The following ANK3 variants were observed in gnomAD, a reference collection of about 807,000 sequenced individuals.
The protein encoded by ANK3 is ankyrin 3.
A neutral mutation model predicts 370.9 loss-of-function variants in ANK3; 57 were observed. That is an observed-to-expected ratio of 0.15 (90% CI 0.12 to 0.19). The LOEUF (loss-of-function observed/expected upper bound fraction) is 0.19. ANK3 is among the 10% of genes least tolerant of loss of function. The pLI is 1.00. For missense variants in ANK3, 4,439 were observed against 5,302.1 expected (o/e 0.84, Z 5.06); for synonymous variants, 1,929 against 1,946.3 (o/e 0.99, Z 0.23).
intron 1 of ANK3, among the ~76,000 whole-genome samples, chr10:60,332,309 C>T (rs1204529387): frequency 2.0e-5 from 3 of 152,144 alleles, no homozygotes; most frequent in South Asian, 2.1e-4. Flanking sequence ...TAATTATACG[C>T]ATAATATTTA....
chr10:60,347,968 G>T (rs1471014028), intron 1 of ANK3, among the ~76,000 whole-genome samples: 1 of 152,128 alleles, frequency 6.6e-6, no homozygotes, highest in African/African-American at 2.4e-5. Flanking sequence ...TGAGTCTCAG[G>T]TGTGACTTTG....
In ANK3 at chr10:60,069,170, G is replaced by A. The variant is rs199864255; in HGVS notation, c.11711C>T (p.Ser3904Phe). The change falls in exon 37 of 44, where the codon TCT becomes TTT. Residue 3904 changes from serine (S) to phenylalanine (F), a missense_variant. Ser to Phe is a radical substitution (Grantham distance 155). Around this residue, in one of 13 missense-constraint regions of ANK3, gnomAD observed 496 missense variants for 529.3 expected, o/e 0.94. Coordinates refer to ENST00000280772, the MANE Select transcript of ANK3 (RefSeq NM_020987.5). ...QSEKTKALTT[S>F]SCVDVKSRIP... ...TCTGGACTTTACATCTACACATGAA[G>A]AAGTAGTAAGGGCTTTGGTTTTCTC... 3.1e-5 allele frequency: 50 copies of A among 1,614,178 alleles called. No homozygotes were observed. The Admixed American group carries it at 6.0e-4, about 19-fold the overall frequency.
chr10:60,185,647 C>T (rs2096304529), intron 17 of ANK3, among the ~76,000 whole-genome samples: 1 of 152,218 alleles, frequency 6.6e-6, no homozygotes. Context: ...GCTATGCCCA[C>T]ACCCAGCAGG....
intron 28 of ANK3, among the ~76,000 whole-genome samples, chr10:60,089,459 TTGTGTGTG>T (rs61497871): frequency 0.014 from 2,041 of 141,608 alleles, 36 homozygotes; most frequent in African/African-American, 0.041. Context: ...TCCATCCAGG[TTGTGTGTG>T]TGTGTGTGTG....
intron 2 of ANK3, among the ~76,000 whole-genome samples, chr10:60,550,745 T>C (rs1000451900): frequency 6.6e-5 from 10 of 152,230 alleles, no homozygotes; most frequent in African/African-American, 2.4e-4. Context: ...GCAGCTAATA[T>C]ATCTTTGGAG....
At chr10:60,592,563 C>T (rs2077931833) in intron 2 of ANK3, among the ~76,000 whole-genome samples, 1 of 152,138 alleles carries the variant, frequency 6.6e-6, no homozygotes, top group South Asian at 2.1e-4. Flanking sequence ...AGTTCGAGAC[C>T]AGCCTGGCCA....
intron 2 of ANK3, among the ~76,000 whole-genome samples, chr10:60,516,544 C>T (rs536453630): frequency 1.1e-3 from 170 of 152,192 alleles, no homozygotes; most frequent in African/African-American, 4.0e-3. Context: ...CAACTTACTC[C>T]TGTAGACAAA....
At chr10:60,633,364 G>T (rs1482504075) in intron 1 of ANK3, among the ~76,000 whole-genome samples, 2 of 152,052 alleles carry the variant, frequency 1.3e-5, no homozygotes, top group African/African-American at 4.8e-5. Context: ...ATTTTTAAGT[G>T]TTATCATATG....
At chr10:60,502,660 C>T (rs1020681629) in intron 2 of ANK3, among the ~76,000 whole-genome samples, 1 of 150,422 alleles carries the variant, frequency 6.6e-6, no homozygotes, top group Admixed American at 6.6e-5. Context: ...CACTGCACTC[C>T]AGTCTGCGCA....
intron 38 of ANK3, among the ~76,000 whole-genome samples, chr10:60,064,672 GCAACAA>G (rs56412726): frequency 2.1e-5 from 3 of 146,102 alleles, no homozygotes; most frequent in Admixed American, 1.4e-4. Context: ...CATACACACA[GCAACAA>G]CAACAACAAC....
intron 36 of ANK3, among the ~76,000 whole-genome samples, chr10:60,077,671 C>T (rs11593500): frequency 0.073 from 11,064 of 152,200 alleles, 564 homozygotes; most frequent in Non-Finnish European, 0.11. Flanking sequence ...ACCTAATCTA[C>T]ATTTAATTTT....
In ANK3 at chr10:60,625,102, G is replaced by A. The variant is rs556419057; in HGVS notation, c.58-9878C>T. ...GAACCTAGCCTTTAAGAGGACTGGC[G>A]GGCCCTGCTTCCTGCCTCTTGGTAC... On this transcript the variant is annotated intron_variant, in intron 1 of 43. Transcript: ENST00000373827. Among the ~76,000 whole-genome samples the A allele has an allele frequency of 2.3e-3, 348 of 152,144 alleles. 1 individual carries two copies. The highest frequency in any genetic ancestry group is 0.01 in the Middle Eastern group (3 of 294).
chr10:60,631,812 C>T (rs2078487847), intron 1 of ANK3, among the ~76,000 whole-genome samples: 1 of 152,046 alleles, frequency 6.6e-6, no homozygotes, highest in Non-Finnish European at 1.5e-5. Context: ...TACCTCTAAT[C>T]CTATCATCCA....
At chr10:60,662,261 G>T (rs974275405) in intron 1 of ANK3, among the ~76,000 whole-genome samples, 1 of 152,038 alleles carries the variant, frequency 6.6e-6, no homozygotes, top group Non-Finnish European at 1.5e-5. Flanking sequence ...TTTTCAACTG[G>T]CACACTGATA....
chr10:60,679,302 C>T (rs2079164143), intron 1 of ANK3, among the ~76,000 whole-genome samples: 1 of 152,120 alleles, frequency 6.6e-6, no homozygotes, highest in African/African-American at 2.4e-5. Context: ...CCCCCTCCCA[C>T]CAGGAATGTC....
At chr10:60,088,048 C>T (rs2132026640) in intron 29 of ANK3, 99 bp downstream of exon 29, 2 of 901,770 alleles carry the variant, frequency 2.2e-6, no homozygotes, top group South Asian at 1.6e-5. Flanking sequence ...GCCTAATTAG[C>T]AGTATCATTA....
At chr10:60,032,035 A>T (rs2073707953) in intron 43 of ANK3, among the ~76,000 whole-genome samples, 1 of 152,008 alleles carries the variant, frequency 6.6e-6, no homozygotes, top group Non-Finnish European at 1.5e-5. Flanking sequence ...TGTTTTTATC[A>T]TTTAATCCTA....
chr10:60,392,442 C>A (rs1158352876), upstream of ANK3, among the ~76,000 whole-genome samples: 1 of 152,138 alleles, frequency 6.6e-6, no homozygotes, highest in Admixed American at 6.6e-5. Context: ...TGGGGCAGAT[C>A]CCTGGTAGCA....
chr10:60,384,447 A>G (rs1463438940), intron 1 of ANK3, among the ~76,000 whole-genome samples: 1 of 152,256 alleles, frequency 6.6e-6, no homozygotes, highest in Non-Finnish European at 1.5e-5. Context: ...TTTCTGAAAC[A>G]AGCCCACTTT....
Sources: gnomAD v4.1 joint callset for allele counts (sites outside exome capture counted in the v4.1 genomes callset) on GRCh38, gnomAD v4.1.1 for gene constraint, gnomAD v4.1.1 regional missense constraint, MANE v1.5 for transcripts, NCBI Gene and HGNC (gene_info 2026-07-23, HGNC 2026-07-21) for gene names.